The following FGF18 variants were observed in gnomAD, a reference collection of about 807,000 sequenced individuals.
The protein encoded by FGF18 is fibroblast growth factor 18.
In FGF18, 5 loss-of-function variants were observed where a neutral mutation model predicts 23.0. That is an observed-to-expected ratio of 0.22 (90% CI 0.11 to 0.46). The LOEUF is 0.46. FGF18 is among the 20% of genes least tolerant of loss of function. The pLI, the probability that FGF18 is intolerant of heterozygous loss-of-function variation, is 0.99. For synonymous variants in FGF18, 117 were observed against 118.9 expected, an observed-to-expected ratio of 0.98 and a Z score of 0.10; for missense variants, 180 against 291.6, an observed-to-expected ratio of 0.62 and a Z score of 2.79.
rs59576538 is a variant in FGF18 at position 171,443,501 on chromosome 5, A to ATTTTTTTTTTTT, written c.251-5626_251-5615dup. Among the ~76,000 whole-genome samples the ATTTTTTTTTTTT allele has an allele frequency of 2.3e-3, 145 of 63,754 alleles. 9 individuals carry two copies. Among genetic ancestry groups the ATTTTTTTTTTTT allele is most frequent in the Admixed American group, 4.1e-3 (15 of 3,636 alleles). The allele number at this position is 63,754 out of a possible 152,430, so 41.8% of individuals were successfully genotyped here. A position where few individuals can be genotyped will look rare whatever the true frequency, so the allele number is the denominator to read the frequency against. Reference sequence around the variant, plus strand: ...CAGATAAGTATTCACTGTTATCATCATTTTTTTTTTTTTTTTTTTTTTTTT... The same window carrying ATTTTTTTTTTTT: ...CAGATAAGTATTCACTGTTATCATCATTTTTTTTTTTTTTTTTTTTTTTTTTTTTTTTTTTTT... On this transcript the variant is annotated intron_variant, in intron 3 of 4. Coordinates refer to ENST00000274625, the MANE Select transcript of FGF18 (RefSeq NM_003862.3).
chr5:171,424,021 T>G (rs1201021637), intron 2 of FGF18, among the ~76,000 whole-genome samples: 1 of 152,166 alleles, frequency 6.6e-6, no homozygotes, highest in Non-Finnish European at 1.5e-5. Flanking sequence ...TGCCTTGGCC[T>G]CCCAAAGTGC....
chr5:171,442,494 G>A (rs986377871), intron 3 of FGF18, among the ~76,000 whole-genome samples: 3 of 152,120 alleles, frequency 2.0e-5, no homozygotes, highest in Admixed American at 1.3e-4. Context: ...GGATCTTTGC[G>A]GCTGGCCAGC....
chr5:171,442,205 G>T (rs1342336914), intron 3 of FGF18, among the ~76,000 whole-genome samples: 1 of 152,136 alleles, frequency 6.6e-6, no homozygotes, highest in African/African-American at 2.4e-5. Flanking sequence ...CAACTTTCTG[G>T]TGTGTCCATA....
At chr5:171,421,982 T>A (rs1266691318) in intron 2 of FGF18, among the ~76,000 whole-genome samples, 1 of 151,896 alleles carries the variant, frequency 6.6e-6, no homozygotes, top group Non-Finnish European at 1.5e-5. Context: ...GGCCCTGGGG[T>A]CACTCCAGGG....
chr5:171,420,812 C>T (rs773349716), intron 2 of FGF18, among the ~76,000 whole-genome samples: 10 of 152,396 alleles, frequency 6.6e-5, no homozygotes, highest in Middle Eastern at 3.4e-3. Flanking sequence ...CTTCCCTTAA[C>T]ATCGCCGCTT....
At chr5:171,423,274 G>A (rs1258397130) in intron 2 of FGF18, among the ~76,000 whole-genome samples, 3 of 152,212 alleles carry the variant, frequency 2.0e-5, no homozygotes, top group Non-Finnish European at 2.9e-5. Context: ...TTCTCCACAC[G>A]ACTCAGGACA....
intron 3 of FGF18, among the ~76,000 whole-genome samples, chr5:171,443,537 G>T (rs1173461419): frequency 2.8e-4 from 8 of 28,658 alleles, no homozygotes; most frequent in Non-Finnish European, 1.7e-4. Flanking sequence ...TTTTTTAGCA[G>T]AGACAGGGTT....
chr5:171,436,339 C>T lies in FGF18; in HGVS notation c.250+66C>T. 1 of 1,290,268 alleles carries T rather than the reference C, an allele frequency of 7.8e-7. No individual in the cohort carries two copies. Among genetic ancestry groups the T allele is most frequent in the Non-Finnish European group, 1.0e-6 (1 of 981,694 alleles). 79.9% of individuals were successfully genotyped at this position (1,290,268 alleles called of 1,614,324 possible). A position where few individuals can be genotyped will look rare whatever the true frequency, so the allele number is the denominator to read the frequency against. ...ACATGTCCTTCCTGGCCTCAGAGAC[C>T]TCAAGTTCAAATGCCAGCCTTGCTG... On this transcript the variant is annotated intron_variant, in intron 3 of 4. Transcript: ENST00000274625. The surrounding 1 kb of genome is among the most constrained non-coding windows in gnomAD (Gnocchi z 4.4).
At chr5:171,445,189 G>A (rs568598714) in intron 3 of FGF18, among the ~76,000 whole-genome samples, 9 of 152,240 alleles carry the variant, frequency 5.9e-5, no homozygotes, top group Non-Finnish European at 1.2e-4. Context: ...TGGTGGGAGC[G>A]TGCTTGGTGT....
At chr5:171,421,363 G>A (rs779155653) in intron 2 of FGF18, among the ~76,000 whole-genome samples, 1 of 152,192 alleles carries the variant, frequency 6.6e-6, no homozygotes, top group Non-Finnish European at 1.5e-5. Flanking sequence ...GGAATAGGAA[G>A]CGTCAGCTCC....
intron 2 of FGF18, among the ~76,000 whole-genome samples, chr5:171,426,704 C>T (rs1382616731): frequency 1.3e-5 from 2 of 152,258 alleles, no homozygotes; most frequent in Admixed American, 6.5e-5. Flanking sequence ...CCTGGGCTCA[C>T]TGACCTCTCT....
chr5:171,424,797 C>T (rs1005576132), intron 2 of FGF18, among the ~76,000 whole-genome samples: 12 of 130,630 alleles, frequency 9.2e-5, no homozygotes. Context: ...TACTTGGGGG[C>T]TGGGGCCCAG....
At chr5:171,454,168 G>C (rs564896215) in intron 4 of FGF18, among the ~76,000 whole-genome samples, 232 of 152,298 alleles carry the variant, frequency 1.5e-3, no homozygotes, top group African/African-American at 5.1e-3. Context: ...GAATGAGGAA[G>C]AAGAATTGTC....
intron 2 of FGF18, among the ~76,000 whole-genome samples, chr5:171,432,755 C>T (rs1772199804): frequency 6.6e-6 from 1 of 152,216 alleles, no homozygotes; most frequent in South Asian, 2.1e-4. Context: ...CAGGGGAATG[C>T]TGGGTAGTCA....
At chr5:171,450,330 C>T (rs1368796136) in intron 4 of FGF18, among the ~76,000 whole-genome samples, 2 of 152,182 alleles carry the variant, frequency 1.3e-5, no homozygotes, top group African/African-American at 2.4e-5. Flanking sequence ...CCAGAGATCC[C>T]AGCCAGGGCA....
chr5:171,427,584 C>A (rs1171325116), intron 2 of FGF18, among the ~76,000 whole-genome samples: 1 of 152,220 alleles, frequency 6.6e-6, no homozygotes, highest in Non-Finnish European at 1.5e-5. Context: ...TCATCCCACT[C>A]CCCTGGCCTG....
intron 3 of FGF18, among the ~76,000 whole-genome samples, chr5:171,445,884 G>C (rs188530878): frequency 1.3e-5 from 2 of 152,276 alleles, no homozygotes; most frequent in Admixed American, 1.3e-4. Flanking sequence ...CCTGAGCCCG[G>C]ATGAGGTTTC....
chr5:171,432,256 C>T (rs977886804), intron 2 of FGF18, among the ~76,000 whole-genome samples: 2 of 152,060 alleles, frequency 1.3e-5, no homozygotes, highest in Non-Finnish European at 2.9e-5. Context: ...TGGATGTTCC[C>T]GAGGCAGCCC....
At chr5:171,452,218 A>G (rs73327286) in intron 4 of FGF18, among the ~76,000 whole-genome samples, 43,841 of 152,106 alleles carry the variant, frequency 0.29, 6,656 homozygotes, top group East Asian at 0.46. Flanking sequence ...GCACTTAGTA[A>G]GCAGGTAGGC....
Sources: gnomAD v4.1 joint callset for allele counts (sites outside exome capture counted in the v4.1 genomes callset) on GRCh38, gnomAD v4.1.1 for gene constraint, Gnocchi (gnomAD v3.1) non-coding constraint, MANE v1.5 for transcripts, NCBI Gene and HGNC (gene_info 2026-07-23, HGNC 2026-07-21) for gene names.